Variants in PYROXD1 observed in about 807,000 individuals in gnomAD.
The protein encoded by PYROXD1 is pyridine nucleotide-disulphide oxidoreductase domain 1, also known as tRNA ligase complex-associated NAD(P)H dehydrogenase PYROXD1.
In PYROXD1, 42 loss-of-function variants were observed where a neutral mutation model predicts 62.0. The observed-to-expected ratio is 0.68, with a 90% CI of 0.53 to 0.88. PYROXD1 has a LOEUF of 0.88. Ranked by LOEUF, PYROXD1 falls within the 40% of genes least tolerant of loss-of-function variation. The pLI, the probability that PYROXD1 is intolerant of heterozygous loss-of-function variation, is 0.00. For missense variants in PYROXD1, 493 were observed against 604.8 expected (o/e 0.82, Z 1.94); for synonymous variants, 170 against 206.4 (o/e 0.82, Z 1.51).
chr12:21,465,648 T>C (rs1225665904), intron 10 of PYROXD1, among the ~76,000 whole-genome samples: 1 of 152,062 alleles, frequency 6.6e-6, no homozygotes, highest in African/African-American at 2.4e-5. Context: ...TTTCTTTTAC[T>C]GTGCAGAAGC....
chr12:21,460,087 A>G (rs1942666299), intron 7 of PYROXD1, among the ~76,000 whole-genome samples: 1 of 152,186 alleles, frequency 6.6e-6, no homozygotes, highest in Admixed American at 6.5e-5. Context: ...AGAAGCATGC[A>G]TGCAGTCCTT....
Position 21,459,919 on chromosome 12 carries a change from T to C in PYROXD1, c.751-1106T>C, listed in dbSNP as rs537672250. Among the ~76,000 whole-genome samples, 3 of 152,354 alleles carry C rather than the reference T, an allele frequency of 2.0e-5. No homozygotes were observed. In the East Asian group the frequency reaches 5.8e-4, roughly 29 times the overall value. ...AAATTAATCTTTTCTCAAAGGTCAC[T>C]TCAGATGCATGCAGTAAACTTACAA... On this transcript the variant is annotated intron_variant, in intron 7 of 11. Coordinates refer to ENST00000240651, the MANE Select transcript of PYROXD1 (RefSeq NM_024854.5).
intron 10 of PYROXD1, among the ~76,000 whole-genome samples, chr12:21,466,991 AGAATCAGTT>A (rs768624638): frequency 1.3e-5 from 2 of 152,214 alleles, no homozygotes; most frequent in Non-Finnish European, 2.9e-5. Flanking sequence ...ATGACTTCCC[AGAATCAGTT>A]GCTGAGATAT....
intron 8 of PYROXD1, 31 bp from the exon 9 acceptor site, chr12:21,461,977 A>C (rs764015245): frequency 7.3e-7 from 1 of 1,373,678 alleles, no homozygotes; most frequent in Admixed American, 1.7e-5. Flanking sequence ...TTACAAATAA[A>C]GTCTGTTTTT....
intron 7 of PYROXD1, among the ~76,000 whole-genome samples, chr12:21,457,846 T>C (rs1942627823): frequency 2.1e-5 from 1 of 47,970 alleles, no homozygotes; most frequent in Non-Finnish European, 4.7e-5. Context: ...ACCTCCAACA[T>C]TGGGGATTAC....
rs553875927 is a variant in PYROXD1, at chr12:21,469,096, A to C, written c.*342A>C. The C allele has an allele frequency of 4.6e-4, 83 of 179,854 alleles. No individual in the cohort carries two copies. Among genetic ancestry groups the C allele is most frequent in the African/African-American group, 2.0e-3 (82 of 41,886 alleles). 11.1% of individuals were successfully genotyped at this position (179,854 alleles called of 1,614,324 possible). ...GCCAAATGTACTCTAGTAGACTAGA[A>C]CCATTCTTTGTGAAATGTCAAAATA... On this transcript the variant is annotated 3_prime_UTR_variant, in exon 12 of 12. Transcript: ENST00000240651.
intron 5 of PYROXD1, 27 bp downstream of exon 5, chr12:21,452,181 A>T: frequency 1.5e-6 from 2 of 1,329,242 alleles, no homozygotes; most frequent in Non-Finnish European, 2.0e-6. Context: ...AAATATGATA[A>T]CATTTAAATT....
rs1942369216 is a variant in PYROXD1 at position 21,445,462 on chromosome 12, A to AACACGATCTT, written c.285+1_285+2insATCTTACACG. The AACACGATCTT allele has an allele frequency of 5.0e-6, 8 of 1,585,174 alleles. No individual in the cohort carries two copies. The highest frequency in any genetic ancestry group is 6.8e-6 in the Non-Finnish European group (8 of 1,172,268). ...GGCGTAAAGCAACTGAAGAGTGAAG[A>AACACGATCTT]ACACGTAAGATAATTGTTTTCTTAA... On this transcript the variant is annotated frameshift_variant, in exon 3 of 12. Coordinates refer to ENST00000240651, the MANE Select transcript of PYROXD1 (RefSeq NM_024854.5). LOFTEE classifies it high-confidence loss of function.
At chr12:21,459,580 C>T (rs944880441) in intron 7 of PYROXD1, among the ~76,000 whole-genome samples, 3 of 152,142 alleles carry the variant, frequency 2.0e-5, no homozygotes, top group Non-Finnish European at 2.9e-5. Flanking sequence ...GTAAAACACC[C>T]GGGGCATGCA....
chr12:21,456,679 A>G (rs1310014425), intron 7 of PYROXD1, among the ~76,000 whole-genome samples: 1 of 152,022 alleles, frequency 6.6e-6, no homozygotes, highest in Non-Finnish European at 1.5e-5. Flanking sequence ...GGCTGTGGCA[A>G]TTTCTTAAAA....
intron 4 of PYROXD1, among the ~76,000 whole-genome samples, chr12:21,451,209 T>TA (rs1335918588): frequency 1.4e-5 from 2 of 147,288 alleles, no homozygotes; most frequent in African/African-American, 5.0e-5. Context: ...CCCAAAGAAT[T>TA]ACCACTGGCT....
At chr12:21,467,707 G>A (rs756533127) in intron 11 of PYROXD1, 89 bp downstream of exon 11, 88 of 1,031,150 alleles carry the variant, frequency 8.5e-5, no homozygotes, top group Non-Finnish European at 1.1e-4. Flanking sequence ...GAATAAAAAC[G>A]TACATAGTTT....
chr12:21,437,724 C>T lies in PYROXD1; in HGVS notation c.-7C>T. On this transcript the variant is annotated 5_prime_UTR_variant, in exon 1 of 12. Coordinates refer to ENST00000240651, the MANE Select transcript of PYROXD1 (RefSeq NM_024854.5). Reference sequence around the variant, plus strand: ...GATATTCAGTAAACCACTGGGAGTCCGGCAGCATGGAGGCAGCGCGCCCTC... The same window carrying T: ...GATATTCAGTAAACCACTGGGAGTCTGGCAGCATGGAGGCAGCGCGCCCTC... 6.2e-7 allele frequency: 1 copy of T among 1,610,676 alleles called. No individual in the cohort carries two copies. The highest frequency in any genetic ancestry group is 8.5e-7 in the Non-Finnish European group (1 of 1,178,858).
Position 21,467,535 on chromosome 12 carries a change from G to T in PYROXD1, c.1171G>T (p.Ala391Ser). 1.2e-6 allele frequency: 2 copies of T among 1,611,952 alleles called. No homozygotes were observed. The highest frequency in any genetic ancestry group is 2.2e-5 in the South Asian group (2 of 90,926). The change falls in exon 11 of 12, where the codon GCT becomes TCT. Residue 391 changes from alanine to serine, a missense_variant. This residue lies in a region of PYROXD1 where 329 missense variants were observed against 446.6 expected (regional missense o/e 0.74). Coordinates refer to ENST00000240651, the MANE Select transcript of PYROXD1 (RefSeq NM_024854.5). ...QMGWYAAKCMAAASSGDSIDM... is the reference protein window; with the variant it reads ...QMGWYAAKCMSAASSGDSIDM... Reference sequence around the variant, plus strand: ...GGGATGGTATGCAGCAAAGTGCATGGCTGCAGCGAGTTCAGGAGACTCTAT... The same window carrying T: ...GGGATGGTATGCAGCAAAGTGCATGTCTGCAGCGAGTTCAGGAGACTCTAT...
chr12:21,449,795 A>G, intron 4 of PYROXD1, 104 bp downstream of exon 4: 1 of 1,003,938 alleles, frequency 1.0e-6, no homozygotes, highest in Non-Finnish European at 1.5e-6. Context: ...GCAGAAGGGA[A>G]ATTTTTGTTT....
chr12:21,448,915 A>AT (rs1942441198), intron 3 of PYROXD1, among the ~76,000 whole-genome samples: 1 of 152,120 alleles, frequency 6.6e-6, no homozygotes, highest in Non-Finnish European at 1.5e-5. Flanking sequence ...AGATTATCAT[A>AT]TTTTTTACTT....
chr12:21,438,734 A>G (rs1414724985), intron 1 of PYROXD1, among the ~76,000 whole-genome samples: 1 of 152,238 alleles, frequency 6.6e-6, no homozygotes, highest in Non-Finnish European at 1.5e-5. Flanking sequence ...TAAAGTAAAC[A>G]TGAGCAATCA....
chr12:21,458,729 G>A (rs1270196354), intron 7 of PYROXD1, among the ~76,000 whole-genome samples: 1 of 152,184 alleles, frequency 6.6e-6, no homozygotes, highest in African/African-American at 2.4e-5. Flanking sequence ...CTGGTTGATG[G>A]AGCAGTCAGA....
intron 1 of PYROXD1, 103 bp from the exon 2 acceptor site, chr12:21,440,265 A>G: frequency 1.6e-6 from 1 of 642,830 alleles, no homozygotes; most frequent in Admixed American, 3.2e-5. Context: ...AATTTTCTAG[A>G]TTAATTACAT....
Sources: allele counts gnomAD v4.1 joint callset (sites outside exome capture counted in the v4.1 genomes callset), GRCh38; gene constraint gnomAD v4.1.1; regional missense constraint gnomAD v4.1.1; transcripts MANE v1.5; gene names NCBI Gene and HGNC (gene_info 2026-07-23, HGNC 2026-07-21).